Variants in ZNF804B observed in about 807,000 individuals in gnomAD.
ZNF804B encodes the protein zinc finger protein 804B, also known as zinc finger 804B.
A neutral mutation model predicts 101.4 loss-of-function variants in ZNF804B; 80 were observed. The ratio of observed to expected loss-of-function variants is 0.79; its 90% CI spans 0.66 to 0.95. The LOEUF is 0.95. Among genes scored for constraint, ZNF804B ranks in the 40% least tolerant of loss-of-function variants. The probability of loss-of-function intolerance (pLI) is 0.00; values close to 1 mark genes in which losing one functional copy is unlikely to be tolerated. For synonymous variants in ZNF804B, 622 were observed against 558.8 expected, an observed-to-expected ratio of 1.11 and a Z score of -1.59; for missense variants, 1,673 against 1,561.9, an observed-to-expected ratio of 1.07 and a Z score of -1.20.
chr7:89,014,066 A>G (rs1788502940), intron 1 of ZNF804B, among the ~76,000 whole-genome samples: 1 of 152,082 alleles, frequency 6.6e-6, no homozygotes. Context: ...TTGGATAAAT[A>G]CTTAGTAGTG....
At position 89,187,225 on chromosome 7, in the gene ZNF804B, C is replaced by T. The variant is rs542601645; in HGVS notation, c.109-30930C>T. Among the ~76,000 whole-genome samples the T allele has an allele frequency of 8.5e-5, 13 of 152,190 alleles. No individual in the cohort carries two copies. In the South Asian group the frequency reaches 2.3e-3, roughly 27 times the overall value. ...TAGCCCTTAGTGGTTGGAATTGACCCCCTCAGTTTCCAAATCTTTTTCTTT... is the reference window on the plus strand; with the variant it reads ...TAGCCCTTAGTGGTTGGAATTGACCTCCTCAGTTTCCAAATCTTTTTCTTT... On this transcript the variant is annotated intron_variant, in intron 1 of 3. Transcript: ENST00000333190.
chr7:89,271,870 G>T (rs1416472247), intron 2 of ZNF804B, among the ~76,000 whole-genome samples: 1 of 151,998 alleles, frequency 6.6e-6, no homozygotes, highest in Non-Finnish European at 1.5e-5. Context: ...GGTGTTTTTA[G>T]TATTCTCTAA....
At chr7:89,269,408 G>A (rs1789848817) in intron 2 of ZNF804B, among the ~76,000 whole-genome samples, 1 of 152,092 alleles carries the variant, frequency 6.6e-6, no homozygotes, top group Non-Finnish European at 1.5e-5. Context: ...CTTTTTTATG[G>A]CTGCATAGTA....
intron 1 of ZNF804B, among the ~76,000 whole-genome samples, chr7:88,819,022 T>A (rs1326975854): frequency 6.6e-6 from 1 of 152,216 alleles, no homozygotes; most frequent in East Asian, 1.9e-4. Context: ...AAATACAGAT[T>A]ATTTAAATAA....
intron 2 of ZNF804B, among the ~76,000 whole-genome samples, chr7:89,270,015 G>T (rs1042077139): frequency 6.6e-6 from 1 of 152,066 alleles, no homozygotes; most frequent in Non-Finnish European, 1.5e-5. Context: ...TTTGTGGGTT[G>T]CCTGTTCACT....
At chr7:89,293,774 G>A (rs1373854934) in intron 2 of ZNF804B, among the ~76,000 whole-genome samples, 1 of 151,366 alleles carries the variant, frequency 6.6e-6, no homozygotes, top group Non-Finnish European at 1.5e-5. Context: ...GGGCGACAGA[G>A]TGAGACTCCG....
intron 1 of ZNF804B, among the ~76,000 whole-genome samples, chr7:89,050,727 A>G (rs1344381385): frequency 6.6e-6 from 1 of 152,114 alleles, no homozygotes; most frequent in East Asian, 1.9e-4. Context: ...CTTTTTCAAA[A>G]CAGTTCATTT....
intron 1 of ZNF804B, among the ~76,000 whole-genome samples, chr7:89,196,501 G>T (rs1397827862): frequency 6.6e-6 from 1 of 152,088 alleles, no homozygotes; most frequent in Non-Finnish European, 1.5e-5. Context: ...AGACTTAAAT[G>T]TAAAACCCAA....
At chr7:88,774,320 G>T (rs987803015) in intron 1 of ZNF804B, among the ~76,000 whole-genome samples, 1 of 151,724 alleles carries the variant, frequency 6.6e-6, no homozygotes, top group Admixed American at 6.6e-5. Context: ...TGCAGCCTAT[G>T]GGCCAGTACC....
chr7:88,923,996 G>C (rs1048538301), intron 1 of ZNF804B, among the ~76,000 whole-genome samples: 16 of 152,054 alleles, frequency 1.1e-4, no homozygotes, highest in African/African-American at 3.9e-4. Context: ...TTTTAGATTT[G>C]TTTTGGCTTT....
At chr7:89,305,447 G>A (rs1790546406) in intron 2 of ZNF804B, among the ~76,000 whole-genome samples, 2 of 151,916 alleles carry the variant, frequency 1.3e-5, no homozygotes, top group Admixed American at 6.6e-5. Context: ...TAGAAAAGAG[G>A]CTGGTGTAAT....
chr7:89,193,253 C>G (rs1436672551), intron 1 of ZNF804B, among the ~76,000 whole-genome samples: 1 of 144,542 alleles, frequency 6.9e-6, no homozygotes, highest in Non-Finnish European at 1.5e-5. Context: ...AAAACCCTAT[C>G]ATCTCAGCCC....
chr7:89,037,842 A>G, intron 1 of ZNF804B, among the ~76,000 whole-genome samples: 1 of 152,118 alleles, frequency 6.6e-6, no homozygotes, highest in African/African-American at 2.4e-5. Flanking sequence ...TGCCGTTCTA[A>G]GCGGCAAATG....
intron 1 of ZNF804B, among the ~76,000 whole-genome samples, chr7:89,052,421 T>C (rs1789220850): frequency 1.3e-5 from 2 of 152,176 alleles, no homozygotes; most frequent in African/African-American, 4.8e-5. Context: ...TGGTGCTAGA[T>C]TGCATATATG....
chr7:89,251,385 CA>C (rs1279312848), intron 2 of ZNF804B, among the ~76,000 whole-genome samples: 1 of 152,062 alleles, frequency 6.6e-6, no homozygotes, highest in Non-Finnish European at 1.5e-5. Context: ...ACTAGGAATA[CA>C]TCTAACCAAG....
intron 1 of ZNF804B, among the ~76,000 whole-genome samples, chr7:89,145,626 AT>A (rs1790779742): frequency 6.6e-6 from 1 of 152,050 alleles, no homozygotes; most frequent in South Asian, 2.1e-4. Context: ...GTAACCTTAA[AT>A]GAAGTAACAA....
chr7:89,264,991 G>C (rs1446878746), intron 2 of ZNF804B, among the ~76,000 whole-genome samples: 1 of 151,994 alleles, frequency 6.6e-6, no homozygotes, highest in African/African-American at 2.4e-5. Context: ...TCATATCTTT[G>C]TATGTGATTT....
intron 1 of ZNF804B, among the ~76,000 whole-genome samples, chr7:88,796,388 A>G (rs1790485410): frequency 6.6e-6 from 1 of 152,248 alleles, no homozygotes; most frequent in South Asian, 2.1e-4. Flanking sequence ...ATAAAAATGG[A>G]CTATTCTTCC....
chr7:89,259,787 A>G (rs1472624272), intron 2 of ZNF804B, among the ~76,000 whole-genome samples: 1 of 152,102 alleles, frequency 6.6e-6, no homozygotes. Context: ...ATTCAAGACC[A>G]TGGTCAACAT....
Sources: gnomAD v4.1 joint callset for allele counts (sites outside exome capture counted in the v4.1 genomes callset) on GRCh38, gnomAD v4.1.1 for gene constraint, MANE v1.5 for transcripts, NCBI Gene and HGNC (gene_info 2026-07-23, HGNC 2026-07-21) for gene names.